Variants in ANO4 observed in about 807,000 individuals in gnomAD.
ANO4 encodes the protein anoctamin-4.
In ANO4, 69 loss-of-function variants were observed where a neutral mutation model predicts 141.9. The observed-to-expected ratio is 0.49, with a 90% confidence interval of 0.40 to 0.59. The LOEUF (loss-of-function observed/expected upper bound fraction) is 0.59. ANO4 is among the 20% of genes least tolerant of loss of function. The pLI is 0.00. For missense variants in ANO4, 894 were observed against 1,162.2 expected, an observed-to-expected ratio of 0.77 and a Z score of 3.36; for synonymous variants, 350 against 394.3, an observed-to-expected ratio of 0.89 and a Z score of 1.33.
At chr12:100,738,535 C>G (rs957590868) in intron 2 of ANO4, among the ~76,000 whole-genome samples, 13 of 152,012 alleles carry the variant, frequency 8.6e-5, no homozygotes, top group Non-Finnish European at 5.9e-5. Context: ...TAAATATATG[C>G]TATAAATTAG....
At chr12:101,113,884 C>A (rs1339934425) in intron 24 of ANO4, among the ~76,000 whole-genome samples, 1 of 152,214 alleles carries the variant, frequency 6.6e-6, no homozygotes, top group East Asian at 1.9e-4. Flanking sequence ...GCATCCTAAT[C>A]CAAATGGCAC....
At chr12:100,773,262 A>T (rs2033372382) in intron 3 of ANO4, among the ~76,000 whole-genome samples, 1 of 152,188 alleles carries the variant, frequency 6.6e-6, no homozygotes, top group Non-Finnish European at 1.5e-5. Flanking sequence ...CCATCTCCAA[A>T]TGCCTTGCCT....
chr12:100,743,174 T>G (rs979472574), intron 3 of ANO4, among the ~76,000 whole-genome samples: 1 of 152,064 alleles, frequency 6.6e-6, no homozygotes, highest in African/African-American at 2.4e-5. Context: ...CAGTGTGGTG[T>G]TAAGATAGAT....
chr12:101,029,915 A>C (rs2046905399), intron 9 of ANO4, among the ~76,000 whole-genome samples: 1 of 151,468 alleles, frequency 6.6e-6, no homozygotes, highest in African/African-American at 2.4e-5. Flanking sequence ...TCTAAAAAAA[A>C]AAAAAAAGAG....
intron 14 of ANO4, among the ~76,000 whole-genome samples, chr12:101,071,306 C>A (rs2048799566): frequency 6.7e-6 from 1 of 149,834 alleles, no homozygotes; most frequent in South Asian, 2.1e-4. Context: ...GAAAACGTGG[C>A]ACTTATACAC....
chr12:100,870,877 T>G (rs142207900), intron 1 of ANO4, among the ~76,000 whole-genome samples: 1,874 of 152,330 alleles, frequency 0.012, 20 homozygotes, highest in Non-Finnish European at 0.02. Flanking sequence ...TAAAGAAGTC[T>G]TCTTCTTCAC....
chr12:100,784,734 A>G (rs2033811897), intron 3 of ANO4, among the ~76,000 whole-genome samples: 1 of 152,210 alleles, frequency 6.6e-6, no homozygotes. Context: ...GGAATTCACG[A>G]TATGTTCCCA....
Position 101,099,715 on chromosome 12 carries a change from A to G in ANO4, c.2144A>G (p.Glu715Gly). ...TATGGACTCTTCGATGAATACTTAG[A>G]AATGAGTATGGAAATATTCTACTTT... Reference protein sequence around the residue: ...NAYGLFDEYLEMILQFGFTTI... With the variant: ...NAYGLFDEYLGMILQFGFTTI... The change falls in exon 22 of 28, where the codon GAA (glutamate) becomes GGA (glycine). Residue 715 changes from glutamate to glycine, a missense_variant. Physicochemically the swap from Glu to Gly is moderately conservative, Grantham distance 98. This residue lies in a region of ANO4 where 637 missense variants were observed against 909.2 expected (regional missense o/e 0.70). Transcript: ENST00000392977. 1 of 1,562,982 alleles carries G rather than the reference A, an allele frequency of 6.4e-7. No homozygotes were observed. The highest frequency in any genetic ancestry group is 8.6e-7 in the Non-Finnish European group (1 of 1,164,054).
intron 1 of ANO4, among the ~76,000 whole-genome samples, chr12:100,892,251 C>T (rs923965077): frequency 6.6e-6 from 1 of 152,122 alleles, no homozygotes. Context: ...GGACGTACTA[C>T]TTTCATCTCC....
intron 3 of ANO4, among the ~76,000 whole-genome samples, chr12:100,746,855 A>G (rs1205473669): frequency 6.6e-6 from 1 of 152,132 alleles, no homozygotes; most frequent in Non-Finnish European, 1.5e-5. Context: ...TTGGTGAAGT[A>G]TGATTAGCAC....
intron 3 of ANO4, among the ~76,000 whole-genome samples, chr12:100,767,102 G>A (rs2033119767): frequency 6.6e-6 from 1 of 152,098 alleles, no homozygotes; most frequent in Non-Finnish European, 1.5e-5. Context: ...AAGCTAAAGT[G>A]AGTCTCTTGT....
At chr12:100,919,736 GTATCTATCTATCTATCTATC>G (rs371838179) in intron 2 of ANO4, among the ~76,000 whole-genome samples, 26 of 133,144 alleles carry the variant, frequency 2.0e-4, no homozygotes, top group African/African-American at 6.0e-4. Context: ...GTGTATGTAT[GTATCTATCTATCTATCTATC>G]TATCTATCTA....
rs542451024 is a variant in ANO4, at chr12:100,873,801, A to G, written c.-140-27845A>G. Among the ~76,000 whole-genome samples, 6 of 152,340 alleles carry G rather than the reference A, an allele frequency of 3.9e-5. No homozygotes were observed. In the East Asian group the frequency reaches 1.2e-3, roughly 29 times the overall value. Reference sequence around the variant, plus strand: ...ATTTGCATAAGTGAAAAGGAGCTGAATGTTAATAGCCAAGACAATGGGGAA... The same window carrying G: ...ATTTGCATAAGTGAAAAGGAGCTGAGTGTTAATAGCCAAGACAATGGGGAA... On this transcript the variant is annotated intron_variant, in intron 1 of 27. Coordinates refer to ENST00000392977, the MANE Select transcript of ANO4 (RefSeq NM_001286615.2).
At chr12:101,063,067 G>GC (rs34282941) in intron 14 of ANO4, among the ~76,000 whole-genome samples, 101,326 of 151,414 alleles carry the variant, frequency 0.67, 34,337 homozygotes, top group East Asian at 0.88. Context: ...TATGGGAAAA[G>GC]ATACTAATCT....
intron 2 of ANO4, among the ~76,000 whole-genome samples, chr12:100,907,326 A>G (rs1454142367): frequency 6.6e-6 from 1 of 152,114 alleles, no homozygotes; most frequent in Admixed American, 6.5e-5. Context: ...TCATCTTGGA[A>G]TATCCCTTCC....
At chr12:101,048,234 G>C in intron 13 of ANO4, 107 bp from the exon 14 acceptor site, 2 of 1,323,942 alleles carry the variant, frequency 1.5e-6, no homozygotes, top group Non-Finnish European at 2.1e-6. Context: ...AACAAAGCCT[G>C]TAAAACTCAT....
upstream of ANO4, among the ~76,000 whole-genome samples, chr12:100,793,020 C>G (rs1448481964): frequency 6.6e-6 from 1 of 152,180 alleles, no homozygotes; most frequent in East Asian, 1.9e-4. Context: ...TAAAGTCCAG[C>G]CTCATGGATT....
intron 2 of ANO4, among the ~76,000 whole-genome samples, chr12:100,917,479 C>A (rs978578877): frequency 6.6e-6 from 1 of 152,124 alleles, no homozygotes; most frequent in Non-Finnish European, 1.5e-5. Flanking sequence ...ATATGAATAA[C>A]AATAAATAAA....
intron 17 of ANO4, among the ~76,000 whole-genome samples, chr12:101,091,704 ATAAT>A (rs1169964018): frequency 2.6e-5 from 4 of 152,146 alleles, no homozygotes; most frequent in Non-Finnish European, 5.9e-5. Context: ...TTAATTATTA[ATAAT>A]TTTTATCAAC....
Sources: allele counts gnomAD v4.1 joint callset (sites outside exome capture counted in the v4.1 genomes callset), GRCh38; gene constraint gnomAD v4.1.1; regional missense constraint gnomAD v4.1.1; transcripts MANE v1.5; gene names NCBI Gene and HGNC (gene_info 2026-07-23, HGNC 2026-07-21).